PTPRF: variants seen among roughly 807,000 people sequenced by gnomAD.
The protein encoded by PTPRF is receptor-type tyrosine-protein phosphatase F.
PTPRF carries 59 observed loss-of-function variants against 201.8 expected under a neutral mutation model. That is an observed-to-expected ratio of 0.29 (90% confidence interval 0.24 to 0.36). The LOEUF (loss-of-function observed/expected upper bound fraction) is 0.36, where lower values mean the gene tolerates loss of function less well. PTPRF is among the 10% of genes least tolerant of loss of function. PTPRF has a pLI of 1.00. For synonymous variants in PTPRF, 1,088 were observed against 1,089.7 expected (o/e 1.00, Z 0.03); for missense variants, 2,132 against 2,690.5 (o/e 0.79, Z 4.59).
At chr1:43,528,377 G>C (rs1351779793), upstream of PTPRF, among the ~76,000 whole-genome samples, 1 of 152,074 alleles carries the variant, frequency 6.6e-6, no homozygotes. Flanking sequence ...TTTTAGTAGA[G>C]ATGGGGTTTC....
At chr1:43,545,986 C>T (rs1260993560) in intron 3 of PTPRF, among the ~76,000 whole-genome samples, 1 of 152,166 alleles carries the variant, frequency 6.6e-6, no homozygotes, top group African/African-American at 2.4e-5. Context: ...TTTAGCCAAT[C>T]TGCAGGCTGA....
intron 6 of PTPRF, among the ~76,000 whole-genome samples, chr1:43,572,720 G>T (rs1646658598): frequency 6.6e-6 from 1 of 152,120 alleles, no homozygotes; most frequent in Admixed American, 6.5e-5. Flanking sequence ...AGCTTTCCCC[G>T]CTTTTGTTGC....
At chr1:43,551,076 G>GT (rs898804774) in intron 3 of PTPRF, among the ~76,000 whole-genome samples, 2 of 152,198 alleles carry the variant, frequency 1.3e-5, no homozygotes, top group Non-Finnish European at 2.9e-5. Flanking sequence ...AGGGCGGGGT[G>GT]TCGGGGGAGG....
At chr1:43,608,437 G>A (rs1216760104) in intron 21 of PTPRF, among the ~76,000 whole-genome samples, 1 of 152,194 alleles carries the variant, frequency 6.6e-6, no homozygotes, top group East Asian at 1.9e-4. Context: ...CCTGGCCTAT[G>A]GCTTTAAGCA....
intron 21 of PTPRF, 59 bp from the exon 22 acceptor site, chr1:43,609,324 T>C: frequency 7.1e-7 from 1 of 1,399,900 alleles, no homozygotes; most frequent in South Asian, 1.2e-5. Flanking sequence ...AGCCATGCCA[T>C]GTGTCACTGT....
intron 6 of PTPRF, among the ~76,000 whole-genome samples, chr1:43,571,991 A>C (rs1038759482): frequency 2.6e-5 from 4 of 152,232 alleles, no homozygotes; most frequent in Admixed American, 2.0e-4. Flanking sequence ...TAAGGGCTTC[A>C]TGGAGCTCTT....
chr1:43,549,355 G>A (rs74070603), intron 3 of PTPRF, among the ~76,000 whole-genome samples: 4,465 of 152,224 alleles, frequency 0.029, 231 homozygotes, highest in African/African-American at 0.1. Context: ...GAAGCTCTGG[G>A]CACCTCAGGC....
Position 43,591,431 on chromosome 1 carries a change from G to T in PTPRF, c.1409G>T (p.Gly470Val). 1 of 1,587,240 alleles carries T rather than the reference G, an allele frequency of 6.3e-7. No individual in the cohort carries two copies. Residue 470 changes from glycine to valine, a missense_variant, in exon 9 of 34, where the codon GGG becomes GTG. Physicochemically the swap from Gly to Val is moderately radical, Grantham distance 109. Around this residue, in one of 6 missense-constraint regions of PTPRF, gnomAD observed 351 missense variants for 401.7 expected, o/e 0.87. Coordinates refer to ENST00000359947, the MANE Select transcript of PTPRF (RefSeq NM_002840.5). ...NAWHKHNTDAGLLTTVGSLLP... is the reference protein window; with the variant it reads ...NAWHKHNTDAVLLTTVGSLLP... ...TGGCACAAGCACAACACCGACGCGG[G>T]GCTCCTCACGACCGTGGGCAGCCTG...
chr1:43,607,326 C>G (rs1229506644), intron 21 of PTPRF, among the ~76,000 whole-genome samples: 1 of 152,254 alleles, frequency 6.6e-6, no homozygotes, highest in Non-Finnish European at 1.5e-5. Context: ...TACCTCGAGT[C>G]CTTTCCTTCT....
At position 43,618,730 on chromosome 1, in the gene PTPRF, G is replaced by A. The variant is rs375234489; in HGVS notation, c.4472G>A (p.Arg1491His). 6.2e-6 allele frequency: 10 copies of A among 1,608,228 alleles called. No individual in the cohort carries two copies. Among genetic ancestry groups the A allele is most frequent in the Non-Finnish European group, 8.5e-6 (10 of 1,175,338 alleles). Reference sequence around the variant, plus strand: ...GTGGAGCTGGCCACATACACTGTGCGCACCTTCGCACTCCACAAGGTATAG... The same window carrying A: ...GTGGAGCTGGCCACATACACTGTGCACACCTTCGCACTCCACAAGGTATAG... The part of the protein sequence containing the change: ...DTVELATYTV[R>H]TFALHKSGSS... The change falls in exon 26 of 34, where the codon CGC becomes CAC. Residue 1491 changes from arginine to histidine, a missense_variant. Arg to His is a conservative substitution (Grantham distance 29). Coordinates refer to ENST00000359947, the MANE Select transcript of PTPRF (RefSeq NM_002840.5).
chr1:43,545,458 G>A (rs140273124), intron 3 of PTPRF, among the ~76,000 whole-genome samples: 153 of 152,270 alleles, frequency 1.0e-3, no homozygotes, highest in African/African-American at 3.6e-3. Flanking sequence ...TGATGTGCGC[G>A]TGTGTGTGCT....
chr1:43,548,830 T>C (rs1644843923), intron 3 of PTPRF, among the ~76,000 whole-genome samples: 2 of 152,160 alleles, frequency 1.3e-5, no homozygotes, highest in Admixed American at 6.5e-5. Context: ...CCTGCCTCCG[T>C]GTGTACATGT....
intron 13 of PTPRF, among the ~76,000 whole-genome samples, chr1:43,599,946 C>G (rs1570512075): frequency 6.6e-6 from 1 of 152,328 alleles, no homozygotes; most frequent in East Asian, 1.9e-4. Context: ...CCTCTCACCT[C>G]TGCCTGGGTG....
At chr1:43,598,699 C>G in intron 12 of PTPRF, 21 bp from the exon 13 acceptor site, 1 of 1,605,982 alleles carries the variant, frequency 6.2e-7, no homozygotes. Context: ...GCCTGACTTC[C>G]TTCTCTACCT....
At chr1:43,526,045 A>AT (rs1169173002), upstream of PTPRF, among the ~76,000 whole-genome samples, 1 of 151,906 alleles carries the variant, frequency 6.6e-6, no homozygotes, top group African/African-American at 2.4e-5. Flanking sequence ...GCAGATGGGA[A>AT]TGCTATAGTG....
rs1352308677 is a variant in PTPRF, at chr1:43,596,597, C to T, written c.1814-1151C>T. On this transcript the variant is annotated intron_variant, in intron 11 of 33. Transcript: ENST00000359947. Reference sequence around the variant, plus strand: ...GCCAGGGGCTGTTGGCCTTCATGTTCGGCCTCCTGTTGGTGATTACCTGTG... The same window carrying T: ...GCCAGGGGCTGTTGGCCTTCATGTTTGGCCTCCTGTTGGTGATTACCTGTG... Among the ~76,000 whole-genome samples, 4 of 152,114 alleles carry T rather than the reference C, an allele frequency of 2.6e-5. No individual in the cohort carries two copies. The South Asian group carries it at 6.2e-4, about 24-fold the overall frequency.
intron 5 of PTPRF, among the ~76,000 whole-genome samples, chr1:43,556,482 G>A (rs947716460): frequency 1.3e-5 from 2 of 152,258 alleles, no homozygotes; most frequent in African/African-American, 4.8e-5. Flanking sequence ...GGCTGGTCTC[G>A]AACTCCTGAC....
intron 21 of PTPRF, among the ~76,000 whole-genome samples, chr1:43,607,388 G>A (rs531449789): frequency 6.6e-6 from 1 of 152,332 alleles, no homozygotes; most frequent in African/African-American, 2.4e-5. Context: ...TAGGCCTAGA[G>A]AGGTCGAGCT....
At chr1:43,613,932 A>C (rs2154030833) in intron 23 of PTPRF, among the ~76,000 whole-genome samples, 1 of 152,226 alleles carries the variant, frequency 6.6e-6, no homozygotes, top group South Asian at 2.1e-4. Context: ...TCTTGGGGTC[A>C]CCCTTAGGAG....
Sources: gnomAD v4.1 joint callset for allele counts (sites outside exome capture counted in the v4.1 genomes callset) on GRCh38, gnomAD v4.1.1 for gene constraint, gnomAD v4.1.1 regional missense constraint, MANE v1.5 for transcripts, NCBI Gene and HGNC (gene_info 2026-07-23, HGNC 2026-07-21) for gene names.